The following MAT1A variants were observed in gnomAD, a reference collection of about 807,000 sequenced individuals.
MAT1A encodes methionine adenosyltransferase 1A.
Under a neutral mutation model 44.0 loss-of-function variants are expected in MAT1A, and 19 were observed. The observed-to-expected ratio is 0.43, with a 90% confidence interval of 0.30 to 0.63. The LOEUF (loss-of-function observed/expected upper bound fraction) is 0.63. Among genes scored for constraint, MAT1A ranks in the 30% least tolerant of loss-of-function variants. The pLI is 0.12. For missense variants in MAT1A, 397 were observed against 531.0 expected (o/e 0.75, Z 2.48); for synonymous variants, 205 against 205.6 (o/e 1.00, Z 0.03).
At chr10:80,283,496 C>A (rs1306425176) in intron 3 of MAT1A, among the ~76,000 whole-genome samples, 1 of 152,264 alleles carries the variant, frequency 6.6e-6, no homozygotes, top group African/African-American at 2.4e-5. Flanking sequence ...TGATCTCACA[C>A]AGACTGTTTA....
Position 80,273,690 on chromosome 10 carries a change from G to A in MAT1A, c.*91C>T, listed in dbSNP as rs1279722061. On this transcript the variant is annotated 3_prime_UTR_variant, in exon 9 of 9. Coordinates refer to ENST00000372213, the MANE Select transcript of MAT1A (RefSeq NM_000429.3). Reference sequence around the variant, plus strand: ...GGCTTTGCCCTGAGGGTTGGTGGGTGGGGAAGGCGATCAGCAGCCAGGCGT... The same window carrying A: ...GGCTTTGCCCTGAGGGTTGGTGGGTAGGGAAGGCGATCAGCAGCCAGGCGT... 6 of 918,978 alleles carry A rather than the reference G, an allele frequency of 6.5e-6. No individual in the cohort carries two copies. The highest frequency in any genetic ancestry group is 5.1e-5 in the Admixed American group (3 of 59,002). The allele number at this position is 918,978 out of a possible 1,614,324, so 56.9% of individuals were successfully genotyped here.
intron 1 of MAT1A, among the ~76,000 whole-genome samples, chr10:80,287,583 T>C (rs1841664610): frequency 1.3e-5 from 2 of 152,192 alleles, no homozygotes; most frequent in South Asian, 4.1e-4. Flanking sequence ...TCTGAGCACA[T>C]TGCTGCTGCG....
Position 80,276,439 on chromosome 10 carries a change from G to A in MAT1A, c.705C>T (p.Tyr235=), listed in dbSNP as rs372757656. 1.5e-4 allele frequency: 239 copies of A among 1,614,182 alleles called. No homozygotes were observed. The Middle Eastern group carries it at 5.9e-3, about 40-fold the overall frequency. ...QVIRAVVPAK[Y]LDEDTVYHLQ... ...GGTGGTAGACGGTGTCTTCGTCCAG[G>A]TACTTGGCCGGCACCACGGCCCTGA... is the stretch of plus-strand genomic sequence containing the variant. The change falls in exon 6 of 9, where the codon TAC becomes TAT. Residue 235 remains tyrosine, a synonymous_variant. Transcript: ENST00000372213.
At chr10:80,286,120 C>T (rs11202421) in intron 1 of MAT1A, among the ~76,000 whole-genome samples, 8,467 of 152,186 alleles carry the variant, frequency 0.056, 303 homozygotes, top group Non-Finnish European at 0.085. Context: ...TTAGCCACTG[C>T]GCCCGGTCAA....
rs759997684 is a variant in MAT1A at position 80,274,495 on chromosome 10, G to A, written c.1085+25C>T. On this transcript the variant is annotated intron_variant, in intron 8 of 8. Coordinates refer to ENST00000372213, the MANE Select transcript of MAT1A (RefSeq NM_000429.3). ...GGGCAAGGAAGGAGCAAGGTCCTGTGTAATAGCAGCGCATGGCACTTTACC... is the reference window on the plus strand; with the variant it reads ...GGGCAAGGAAGGAGCAAGGTCCTGTATAATAGCAGCGCATGGCACTTTACC... 4 of 1,613,798 alleles carry A rather than the reference G, an allele frequency of 2.5e-6. No homozygotes were observed. In the East Asian group the frequency reaches 6.7e-5, roughly 27 times the overall value.
At chr10:80,275,643 C>G (rs1372240715) in intron 6 of MAT1A, among the ~76,000 whole-genome samples, 1 of 152,234 alleles carries the variant, frequency 6.6e-6, no homozygotes, top group Non-Finnish European at 1.5e-5. Flanking sequence ...GGTGGGAGTT[C>G]TATGTTAAAT....
intron 5 of MAT1A, among the ~76,000 whole-genome samples, chr10:80,278,697 A>T (rs1482966700): frequency 6.6e-6 from 1 of 152,246 alleles, no homozygotes; most frequent in Non-Finnish European, 1.5e-5. Context: ...CAGTACAGCC[A>T]GTATGCAACC....
chr10:80,279,092 T>A (rs983175304), intron 5 of MAT1A, among the ~76,000 whole-genome samples: 26 of 152,170 alleles, frequency 1.7e-4, no homozygotes, highest in Admixed American at 1.7e-3. Flanking sequence ...CCCCTTCCCC[T>A]TGTAGGAAGC....
rs1841486449 is a variant in MAT1A at position 80,276,445 on chromosome 10, G to T, written c.699C>A (p.Ala233=). The T allele has an allele frequency of 6.2e-7, 1 of 1,614,184 alleles. No individual in the cohort carries two copies. The highest frequency in any genetic ancestry group is 8.5e-7 in the Non-Finnish European group (1 of 1,180,056). The change falls in exon 6 of 9, where the codon GCC becomes GCA. Residue 233 remains alanine (A), a synonymous_variant. Transcript: ENST00000372213. The part of the protein sequence containing the change: ...KEQVIRAVVP[A]KYLDEDTVYH... ...AGACGGTGTCTTCGTCCAGGTACTT[G>T]GCCGGCACCACGGCCCTGATGACTT...
chr10:80,273,966 C>A (rs1161296692), intron 8 of MAT1A, 83 bp from the exon 9 acceptor site: 2 of 989,624 alleles, frequency 2.0e-6, no homozygotes, highest in East Asian at 4.8e-5. Flanking sequence ...CAGGAGGGAG[C>A]AACGAACTGT....
At chr10:80,285,677 GT>G in intron 1 of MAT1A, 88 bp from the exon 2 acceptor site, 1 of 871,062 alleles carries the variant, frequency 1.1e-6, no homozygotes, top group Non-Finnish European at 1.9e-6. Flanking sequence ...CGACTTTTCA[GT>G]TTACATATCA....
rs1841440053 is a variant in MAT1A at position 80,273,640 on chromosome 10, A to C, written c.*141T>G. 2 of 752,426 alleles carry C rather than the reference A, an allele frequency of 2.7e-6. No homozygotes were observed. Among genetic ancestry groups the C allele is most frequent in the East Asian group, 4.9e-5 (2 of 40,552 alleles). The allele number at this position is 752,426 out of a possible 1,614,324, so 46.6% of individuals were successfully genotyped here. A position where few individuals can be genotyped will look rare whatever the true frequency, so the allele number is the denominator to read the frequency against. On this transcript the variant is annotated 3_prime_UTR_variant, in exon 9 of 9. Transcript: ENST00000372213. Reference sequence around the variant, plus strand: ...GCCTCCAGCTGGCCATGATGATGACAGGACAGGCTAAATGAGAGGGACCTG... The same window carrying C: ...GCCTCCAGCTGGCCATGATGATGACCGGACAGGCTAAATGAGAGGGACCTG...
intron 1 of MAT1A, among the ~76,000 whole-genome samples, chr10:80,286,441 T>A (rs1301480077): frequency 6.6e-6 from 1 of 152,162 alleles, no homozygotes; most frequent in African/African-American, 2.4e-5. Context: ...ACATCATTGT[T>A]GTTTTGCAGA....
intron 8 of MAT1A, 121 bp from the exon 9 acceptor site, chr10:80,274,004 G>A (rs572915444): frequency 1.9e-5 from 15 of 769,262 alleles, no homozygotes; most frequent in East Asian, 1.3e-4. Context: ...ATGGCACTAC[G>A]CCTCCCCACC....
At chr10:80,275,580 C>T in intron 6 of MAT1A, 1 of 334,902 alleles carries the variant, frequency 3.0e-6, no homozygotes, top group Non-Finnish European at 5.7e-6. Context: ...CCATGCTGCC[C>T]ACTTCCCAAG....
At chr10:80,289,028 T>C (rs1841685210) in intron 1 of MAT1A, among the ~76,000 whole-genome samples, 1 of 152,160 alleles carries the variant, frequency 6.6e-6, no homozygotes, top group African/African-American at 2.4e-5. Context: ...CTCCTACAGG[T>C]ACGAAGTTAC....
At chr10:80,283,336 C>T (rs1188725946) in intron 3 of MAT1A, among the ~76,000 whole-genome samples, 1 of 152,224 alleles carries the variant, frequency 6.6e-6, no homozygotes, top group Admixed American at 6.5e-5. Context: ...TGGGTGGTGG[C>T]CCCACACTAT....
chr10:80,277,334 G>A (rs553837159), intron 5 of MAT1A, among the ~76,000 whole-genome samples: 4 of 152,288 alleles, frequency 2.6e-5, no homozygotes, highest in Admixed American at 6.5e-5. Flanking sequence ...CCCTGGGACT[G>A]TGCCTGCAGC....
intron 1 of MAT1A, among the ~76,000 whole-genome samples, chr10:80,286,527 G>A (rs1447082347): frequency 6.6e-6 from 1 of 152,144 alleles, no homozygotes; most frequent in Non-Finnish European, 1.5e-5. Context: ...TTAGAGCTGG[G>A]CTTGACCTCT....
Sources: allele counts gnomAD v4.1 joint callset (sites outside exome capture counted in the v4.1 genomes callset), GRCh38; gene constraint gnomAD v4.1.1; transcripts MANE v1.5; gene names NCBI Gene and HGNC (gene_info 2026-07-23, HGNC 2026-07-21).